Variants in PKN2 observed in about 807,000 individuals in gnomAD.
PKN2 encodes the protein serine/threonine-protein kinase N2.
Under a neutral mutation model 119.1 loss-of-function variants are expected in PKN2, and 38 were observed. The ratio of observed to expected loss-of-function variants is 0.32; its 90% CI spans 0.25 to 0.42. The LOEUF is 0.42. Among genes scored for constraint, PKN2 ranks in the 10% least tolerant of loss-of-function variants. The pLI is 1.00. For synonymous variants in PKN2, 390 were observed against 384.9 expected (o/e 1.01, Z -0.15); for missense variants, 850 against 1,165.1 (o/e 0.73, Z 3.94).
At chr1:88,777,099 T>C (rs1271632525) in intron 6 of PKN2, among the ~76,000 whole-genome samples, 1 of 152,172 alleles carries the variant, frequency 6.6e-6, no homozygotes, top group East Asian at 1.9e-4. Context: ...TCATTATTTT[T>C]TCTTTCTGCT....
chr1:88,819,222 G>A (rs12092650), intron 16 of PKN2, among the ~76,000 whole-genome samples: 6,051 of 152,116 alleles, frequency 0.04, 277 homozygotes, highest in African/African-American at 0.1. Context: ...AGAAACTGTC[G>A]TCAGAGTGAA....
chr1:88,693,879 GT>G (rs142433759), intron 1 of PKN2, among the ~76,000 whole-genome samples: 11,479 of 152,142 alleles, frequency 0.075, 910 homozygotes, highest in African/African-American at 0.2. Flanking sequence ...CCTATCCTGG[GT>G]TTAAAAGATA....
At chr1:88,718,284 TGAG>T (rs1667537370) in intron 1 of PKN2, among the ~76,000 whole-genome samples, 1 of 152,186 alleles carries the variant, frequency 6.6e-6, no homozygotes, top group African/African-American at 2.4e-5. Flanking sequence ...GGGACCCACT[TGAG>T]GAGGCAGTCT....
chr1:88,724,202 G>A (rs1667805903), intron 1 of PKN2, among the ~76,000 whole-genome samples: 1 of 152,148 alleles, frequency 6.6e-6, no homozygotes, highest in African/African-American at 2.4e-5. Context: ...TAAGTGTTAG[G>A]ACAAGGCCAG....
intron 2 of PKN2, among the ~76,000 whole-genome samples, chr1:88,741,912 G>C (rs1557580533): frequency 6.6e-6 from 1 of 151,782 alleles, no homozygotes; most frequent in South Asian, 2.1e-4. Context: ...ATTTATGTTG[G>C]AATTTTTTTA....
intron 8 of PKN2, 109 bp downstream of exon 8, chr1:88,786,322 G>A: frequency 5.5e-6 from 3 of 543,622 alleles, no homozygotes; most frequent in Non-Finnish European, 9.6e-6. Flanking sequence ...AATAAAAATA[G>A]AACTTAGATT....
chr1:88,790,267 A>T (rs1177308314), intron 8 of PKN2, among the ~76,000 whole-genome samples: 1 of 152,246 alleles, frequency 6.6e-6, no homozygotes, highest in African/African-American at 2.4e-5. Context: ...CTGGTGAATC[A>T]TATCCTTCAT....
intron 1 of PKN2, among the ~76,000 whole-genome samples, chr1:88,730,022 G>T (rs1270636352): frequency 6.6e-6 from 1 of 152,018 alleles, no homozygotes; most frequent in African/African-American, 2.4e-5. Context: ...AAAATTAGCC[G>T]GGTGTGGTGG....
intron 1 of PKN2, among the ~76,000 whole-genome samples, chr1:88,694,812 T>G (rs191226869): frequency 6.6e-6 from 1 of 152,196 alleles, no homozygotes; most frequent in Non-Finnish European, 1.5e-5. Context: ...AAGTGTATCA[T>G]GGTATCTCAT....
chr1:88,788,469 G>C (rs1352355459), intron 8 of PKN2, among the ~76,000 whole-genome samples: 2 of 151,896 alleles, frequency 1.3e-5, no homozygotes, highest in African/African-American at 4.8e-5. Context: ...TCTTGAGATG[G>C]AGTTTCGCTC....
chr1:88,810,349 T>C (rs540417766), intron 15 of PKN2, among the ~76,000 whole-genome samples: 2 of 152,062 alleles, frequency 1.3e-5, no homozygotes, highest in South Asian at 2.1e-4. Flanking sequence ...CTCAAACTCC[T>C]GAGCTCAGGT....
At chr1:88,746,499 T>C (rs578261885) in intron 2 of PKN2, among the ~76,000 whole-genome samples, 28 of 108,850 alleles carry the variant, frequency 2.6e-4, no homozygotes, top group African/African-American at 7.9e-4. Context: ...ACAGATAATA[T>C]GAAAAAAATG....
chr1:88,796,046 G>C (rs1671050797), intron 8 of PKN2, among the ~76,000 whole-genome samples: 1 of 152,190 alleles, frequency 6.6e-6, no homozygotes, highest in African/African-American at 2.4e-5. Flanking sequence ...CATTTATTGA[G>C]TGTGCATGCA....
intron 15 of PKN2, among the ~76,000 whole-genome samples, chr1:88,808,699 T>A (rs1671660715): frequency 6.6e-6 from 1 of 152,168 alleles, no homozygotes; most frequent in Non-Finnish European, 1.5e-5. Flanking sequence ...TACAGAATAA[T>A]TAAATATGGA....
intron 1 of PKN2, among the ~76,000 whole-genome samples, chr1:88,710,272 C>G (rs1233244515): frequency 1.3e-5 from 2 of 152,086 alleles, no homozygotes; most frequent in East Asian, 3.9e-4. Flanking sequence ...TTGAAGGAAT[C>G]TTCCTGGAAG....
chr1:88,821,891 C>T, intron 16 of PKN2, 50 bp from the exon 17 acceptor site: 21 of 1,395,522 alleles, frequency 1.5e-5, no homozygotes, highest in Non-Finnish European at 2.0e-5. Flanking sequence ...AGCTGGGATT[C>T]AAGAGCAATA....
intron 1 of PKN2, among the ~76,000 whole-genome samples, chr1:88,701,673 A>G (rs1270932352): frequency 1.3e-5 from 2 of 152,176 alleles, no homozygotes; most frequent in Non-Finnish European, 2.9e-5. Flanking sequence ...GTATAATAAT[A>G]TAATTTGATT....
At chr1:88,687,247 C>T (rs1666137967) in intron 1 of PKN2, among the ~76,000 whole-genome samples, 1 of 152,034 alleles carries the variant, frequency 6.6e-6, no homozygotes, top group South Asian at 2.1e-4. Flanking sequence ...GTTAGTAATT[C>T]AGGAGGCTTA....
chr1:88,827,518 A>T (rs1204654658), intron 18 of PKN2, among the ~76,000 whole-genome samples: 6 of 151,896 alleles, frequency 4.0e-5, no homozygotes, highest in Non-Finnish European at 8.8e-5. Context: ...TCTCTATGGC[A>T]TCATGTTGGT....
Sources: gnomAD v4.1 joint callset for allele counts (sites outside exome capture counted in the v4.1 genomes callset) on GRCh38, gnomAD v4.1.1 for gene constraint, MANE v1.5 for transcripts, NCBI Gene and HGNC (gene_info 2026-07-23, HGNC 2026-07-21) for gene names.